Variants in CTBP2 observed in about 807,000 individuals in gnomAD.
The protein encoded by CTBP2 is C-terminal-binding protein 2.
Under a neutral mutation model 80.3 loss-of-function variants are expected in CTBP2, and 30 were observed. That is an observed-to-expected ratio of 0.37 (90% CI 0.28 to 0.51). CTBP2 has a LOEUF of 0.51. Among genes scored for constraint, CTBP2 ranks in the 20% least tolerant of loss-of-function variants. The pLI, the probability that CTBP2 is intolerant of heterozygous loss-of-function variation, is 0.93. For synonymous variants in CTBP2, 594 were observed against 587.4 expected (o/e 1.01, Z -0.16); for missense variants, 1,212 against 1,375.3 (o/e 0.88, Z 1.88).
upstream of CTBP2, chr10:125,160,823 T>G (rs1211943910): frequency 2.2e-5 from 3 of 138,822 alleles, no homozygotes; most frequent in Admixed American, 7.1e-5. Flanking sequence ...CGCGCCGCGC[T>G]CACCCCCGAG....
At chr10:125,148,068 A>T (rs896453197) in intron 1 of CTBP2, among the ~76,000 whole-genome samples, 4 of 152,206 alleles carry the variant, frequency 2.6e-5, no homozygotes, top group African/African-American at 9.6e-5. Flanking sequence ...AGAGAAGTCC[A>T]GCATTTCTTT....
chr10:125,049,394 G>C lies in CTBP2; in HGVS notation c.-101-10239C>G, dbSNP rs747242839. Among the ~76,000 whole-genome samples the C allele has an allele frequency of 4.3e-4, 66 of 152,218 alleles. No individual in the cohort carries two copies. In the Middle Eastern group the frequency reaches 9.5e-3, roughly 22 times the overall value. On this transcript the variant is annotated intron_variant, in intron 2 of 10. Coordinates refer to the CTBP2 transcript ENST00000337195. ...ATTTGGCAGAGGATGCCTTTGGATA[G>C]ACCCCACACACGTGCGGATCCTGGG...
At chr10:124,996,050 T>G (rs1445024606) in intron 4 of CTBP2, 2 of 28,152 alleles carry the variant, frequency 7.1e-5, no homozygotes, top group Non-Finnish European at 7.9e-4. Context: ...ATTTCTTTGT[T>G]TTTTTTTTTT....
chr10:125,062,960 A>G (rs1844041630), intron 2 of CTBP2, among the ~76,000 whole-genome samples: 1 of 152,270 alleles, frequency 6.6e-6, no homozygotes, highest in African/African-American at 2.4e-5. Context: ...GGCTGGCTGA[A>G]CAGACAACTA....
At chr10:125,152,088 A>G (rs1215749142) in intron 1 of CTBP2, among the ~76,000 whole-genome samples, 3 of 151,148 alleles carry the variant, frequency 2.0e-5, no homozygotes, top group African/African-American at 7.3e-5. Context: ...CTGCGGGGGG[A>G]AGAGGGCACA....
At chr10:125,016,918 A>C (rs1363059282) in intron 1 of CTBP2, among the ~76,000 whole-genome samples, 1 of 152,250 alleles carries the variant, frequency 6.6e-6, no homozygotes, top group African/African-American at 2.4e-5. Flanking sequence ...CAGTGGGGAA[A>C]CGTGTTGGGT....
intron 1 of CTBP2, among the ~76,000 whole-genome samples, chr10:125,129,662 A>G (rs1413926073): frequency 6.6e-6 from 1 of 152,166 alleles, no homozygotes; most frequent in Non-Finnish European, 1.5e-5. Flanking sequence ...ATACCAAGAC[A>G]ACCTTCCAAA....
At chr10:125,020,525 G>A (rs1280310092) in intron 1 of CTBP2, among the ~76,000 whole-genome samples, 1 of 152,214 alleles carries the variant, frequency 6.6e-6, no homozygotes, top group Non-Finnish European at 1.5e-5. Context: ...CTGGTGACTG[G>A]AACGCGGGCA....
intron 2 of CTBP2, among the ~76,000 whole-genome samples, chr10:125,103,829 G>A (rs1422582669): frequency 6.6e-6 from 1 of 152,074 alleles, no homozygotes; most frequent in African/African-American, 2.4e-5. Context: ...AGGAAAGGGG[G>A]CAAGCCTGTC....
At chr10:125,078,238 C>T (rs371904609) in intron 2 of CTBP2, among the ~76,000 whole-genome samples, 3 of 150,072 alleles carry the variant, frequency 2.0e-5, no homozygotes, top group Admixed American at 1.3e-4. Context: ...CGAGATCGCG[C>T]CTCTGCACTC....
At position 125,066,048 on chromosome 10, in the gene CTBP2, C is replaced by T. The variant is rs985484270; in HGVS notation, c.-101-26893G>A. Among the ~76,000 whole-genome samples the T allele has an allele frequency of 1.3e-5, 2 of 151,266 alleles. No homozygotes were observed. Among genetic ancestry groups the T allele is most frequent in the Non-Finnish European group, 2.9e-5 (2 of 67,948 alleles). On this transcript the variant is annotated intron_variant, in intron 2 of 10. Transcript: ENST00000337195. The surrounding 1 kb of genome is among the most constrained non-coding windows in gnomAD (Gnocchi z 4.1). Reference sequence around the variant, plus strand: ...CCCAGAAGGCAGAGGTTACAGTGAGCCCTGATTGTGCCATGGCACTCTAGC... The same window carrying T: ...CCCAGAAGGCAGAGGTTACAGTGAGTCCTGATTGTGCCATGGCACTCTAGC...
rs796725972 is a variant in CTBP2 at position 125,048,696 on chromosome 10, C to T, written c.-101-9541G>A. 5.9e-5 allele frequency among the ~76,000 whole-genome samples: 9 copies of T among 152,316 alleles called. No individual in the cohort carries two copies. The East Asian group carries it at 1.5e-3, about 26-fold the overall frequency. ...ATTTTTCCATTACGTCTGCTGACAG[C>T]AACCAGTTAGTGTTGAAAATTGGAA... On this transcript the variant is annotated intron_variant, in intron 2 of 10. Coordinates refer to the CTBP2 transcript ENST00000337195.
chr10:125,121,829 T>G (rs547787937), intron 1 of CTBP2, among the ~76,000 whole-genome samples: 1 of 152,170 alleles, frequency 6.6e-6, no homozygotes, highest in East Asian at 1.9e-4. Context: ...AAGAAACACA[T>G]CACGGAGGTG....
intron 2 of CTBP2, among the ~76,000 whole-genome samples, chr10:125,040,518 A>C (rs2135008755): frequency 6.8e-6 from 1 of 146,764 alleles, no homozygotes. Flanking sequence ...TTTAAGGCCC[A>C]CTCTATTGTC....
chr10:125,056,035 C>T (rs534310663), intron 2 of CTBP2, among the ~76,000 whole-genome samples: 56 of 152,000 alleles, frequency 3.7e-4, no homozygotes, highest in Non-Finnish European at 7.4e-4. Flanking sequence ...TGTGGTGGCA[C>T]GTGCCTGTAG....
At position 125,116,340 on chromosome 10, in the gene CTBP2, G is replaced by A. The variant is rs553398926; in HGVS notation, c.-205-5247C>T. ...ATGGTGTCTGTTAGGACGAGTGAAC[G>A]CCCTCTGCCTCACAGACACTCCCTC... On this transcript the variant is annotated intron_variant, in intron 1 of 10. Transcript: ENST00000337195. 1.2e-3 allele frequency among the ~76,000 whole-genome samples: 182 copies of A among 152,244 alleles called. 1 individual carries two copies. The highest frequency in any genetic ancestry group is 3.9e-3 in the African/African-American group (163 of 41,520).
At chr10:125,104,752 CAAG>C (rs1283019149) in intron 2 of CTBP2, among the ~76,000 whole-genome samples, 1 of 152,196 alleles carries the variant, frequency 6.6e-6, no homozygotes, top group African/African-American at 2.4e-5. Flanking sequence ...TTCAGTCGAC[CAAG>C]AAGACTTTAT....
intron 1 of CTBP2, among the ~76,000 whole-genome samples, chr10:125,138,441 G>A (rs1024105877): frequency 2.0e-5 from 3 of 152,140 alleles, no homozygotes; most frequent in African/African-American, 7.2e-5. Context: ...CGCGTTTGGT[G>A]GGGCTGGTGA....
At chr10:124,992,914 A>C (rs1952896123) in intron 7 of CTBP2, 102 bp from the exon 10 acceptor site, 1 of 1,020,846 alleles carries the variant, frequency 9.8e-7, no homozygotes, top group Non-Finnish European at 1.4e-6. Context: ...GCATTTGTAA[A>C]AATGTAGAAC....
Sources: allele counts gnomAD v4.1 joint callset (sites outside exome capture counted in the v4.1 genomes callset), GRCh38; gene constraint gnomAD v4.1.1; non-coding constraint Gnocchi (gnomAD v3.1); transcripts MANE v1.5; gene names NCBI Gene and HGNC (gene_info 2026-07-23, HGNC 2026-07-21).